The following MYCT1 variants were observed in gnomAD, a reference collection of about 807,000 sequenced individuals.
MYCT1 encodes the protein myc target protein 1.
MYCT1 carries 12 observed loss-of-function variants against 15.0 expected under a neutral mutation model. The ratio of observed to expected loss-of-function variants is 0.80; its 90% CI spans 0.51 to 1.29. MYCT1 has a LOEUF of 1.29. MYCT1 is among the 50% of genes most tolerant of loss of function. MYCT1 has a pLI of 0.00. For missense variants in MYCT1, 287 were observed against 279.1 expected (o/e 1.03, Z -0.20); for synonymous variants, 104 against 102.7 (o/e 1.01, Z -0.07).
the MYCT1 span, among the ~76,000 whole-genome samples, chr6:152,733,173 A>G: frequency 0.54 from 81,696 of 151,826 alleles, 24,372 homozygotes; most frequent in Non-Finnish European, 0.66. Context: ...GCATGATCTC[A>G]GTGCACTGCA....
At chr6:152,698,157 G>A (rs1185783159) in intron 1 of MYCT1, 59 bp downstream of exon 1, 19 of 982,872 alleles carry the variant, frequency 1.9e-5, no homozygotes, top group Admixed American at 3.0e-5. Context: ...AATGCACTGC[G>A]TGATTATTAA....
At chr6:152,740,092 G>C in the MYCT1 span, among the ~76,000 whole-genome samples, 1 of 151,982 alleles carries the variant, frequency 6.6e-6, no homozygotes, top group Non-Finnish European at 1.5e-5. Flanking sequence ...TGTTGCCCAG[G>C]CTGGAGTGCA....
At chr6:152,703,712 T>C (rs947642992) in intron 1 of MYCT1, among the ~76,000 whole-genome samples, 2 of 152,092 alleles carry the variant, frequency 1.3e-5, no homozygotes, top group Non-Finnish European at 2.9e-5. Flanking sequence ...CACACACACT[T>C]GAGTAACCCA....
intron 1 of MYCT1, among the ~76,000 whole-genome samples, chr6:152,714,895 A>T (rs2099723374): frequency 6.6e-6 from 1 of 151,962 alleles, no homozygotes; most frequent in Non-Finnish European, 1.5e-5. Flanking sequence ...TTAGGGGAAG[A>T]TCACCTCAGT....
chr6:152,716,321 T>TGAA (rs1404627350), intron 1 of MYCT1, among the ~76,000 whole-genome samples: 1 of 152,226 alleles, frequency 6.6e-6, no homozygotes, highest in Admixed American at 6.5e-5. Flanking sequence ...CAAAAGTAGT[T>TGAA]CTATTGCCTG....
chr6:152,742,193 G>C, the MYCT1 span, among the ~76,000 whole-genome samples: 1 of 152,104 alleles, frequency 6.6e-6, no homozygotes, highest in African/African-American at 2.4e-5. Context: ...GGGGAAATAC[G>C]GGGTTAAACA....
At chr6:152,728,539 C>T (rs1258361578), downstream of MYCT1, among the ~76,000 whole-genome samples, 2 of 114,628 alleles carry the variant, frequency 1.7e-5, no homozygotes, top group Non-Finnish European at 4.3e-5. Context: ...ATAAAGAATT[C>T]TAAGTAGAAA....
At chr6:152,738,564 T>C in the MYCT1 span, among the ~76,000 whole-genome samples, 1 of 152,100 alleles carries the variant, frequency 6.6e-6, no homozygotes, top group African/African-American at 2.4e-5. Flanking sequence ...ACTCTGCCAG[T>C]TAATTAACTT....
the MYCT1 span, among the ~76,000 whole-genome samples, chr6:152,744,085 G>C: frequency 6.6e-6 from 1 of 152,136 alleles, no homozygotes; most frequent in Non-Finnish European, 1.5e-5. Flanking sequence ...TGAGGATTTG[G>C]TGTCTGGCTT....
In MYCT1 at chr6:152,699,143, A is replaced by G. The variant is rs578257343; in HGVS notation, c.196+1045A>G. ...GGTGGGGTTTTGGGAACTTTCACAT[A>G]AACAGTGAGCAGTAGTGGCCGACTT... On this transcript the variant is annotated intron_variant, in intron 1 of 1. Transcript: ENST00000367245. Among the ~76,000 whole-genome samples, 5 of 152,280 alleles carry G rather than the reference A, an allele frequency of 3.3e-5. No individual in the cohort carries two copies. In the East Asian group the frequency reaches 5.8e-4, roughly 18 times the overall value.
chr6:152,744,480 A>C, the MYCT1 span, among the ~76,000 whole-genome samples: 1 of 152,126 alleles, frequency 6.6e-6, no homozygotes, highest in East Asian at 1.9e-4. Flanking sequence ...TTTAATAAAG[A>C]GGTAGAATTG....
At chr6:152,737,783 T>G in the MYCT1 span, among the ~76,000 whole-genome samples, 31,971 of 152,124 alleles carry the variant, frequency 0.21, 3,851 homozygotes, top group South Asian at 0.36. Flanking sequence ...GTTTCACAAT[T>G]AAGAGGCATC....
At chr6:152,733,053 G>C in the MYCT1 span, among the ~76,000 whole-genome samples, 1 of 151,942 alleles carries the variant, frequency 6.6e-6, no homozygotes, top group Non-Finnish European at 1.5e-5. Flanking sequence ...GTTTGGTTTT[G>C]TTTTTATTTG....
downstream of MYCT1, among the ~76,000 whole-genome samples, chr6:152,728,108 G>A (rs1355983928): frequency 6.6e-6 from 1 of 151,552 alleles, no homozygotes; most frequent in South Asian, 2.1e-4. Flanking sequence ...AGGTTGCAAT[G>A]AGCCGAGATC....
rs981650927 is a variant in MYCT1 at position 152,712,642 on chromosome 6, C to T, written c.197-9100C>T. Among the ~76,000 whole-genome samples the T allele has an allele frequency of 3.7e-4, 6 of 16,090 alleles. 3 individuals are homozygous for T. In the Admixed American group the frequency reaches 8.2e-3, roughly 22 times the overall value. The allele number at this position is 16,090 out of a possible 152,430, so 10.6% of individuals were successfully genotyped here. The stretch of plus-strand genomic sequence containing the variant: ...ACCGGAGCTGTTCCTATTCGGCCAT[C>T]TTGGCTCCTCCCCCTGAAAGAGTAT... On this transcript the variant is annotated intron_variant, in intron 1 of 1. Coordinates refer to ENST00000367245, the MANE Select transcript of MYCT1 (RefSeq NM_025107.3).
Position 152,722,932 on chromosome 6 carries a change from A to T in MYCT1, c.*679A>T. On this transcript the variant is annotated 3_prime_UTR_variant, in exon 2 of 2. Coordinates refer to ENST00000367245, the MANE Select transcript of MYCT1 (RefSeq NM_025107.3). ...TTTTTTTTTAATTTTAGTAGAGATG[A>T]AGTGTCACTATGTTACCAAGGCTGG... 5.8e-6 allele frequency: 1 copy of T among 171,010 alleles called. No individual in the cohort carries two copies. The highest frequency in any genetic ancestry group is 1.3e-5 in the Non-Finnish European group (1 of 78,874). The allele number at this position is 171,010 out of a possible 1,614,324, so 10.6% of individuals were successfully genotyped here.
At chr6:152,725,534 C>T (rs995096489), downstream of MYCT1, among the ~76,000 whole-genome samples, 9 of 152,300 alleles carry the variant, frequency 5.9e-5, no homozygotes, top group East Asian at 1.5e-3. Context: ...GATCCGCCCA[C>T]CTCAGCTTCC....
the MYCT1 span, among the ~76,000 whole-genome samples, chr6:152,733,611 A>C: frequency 9.9e-5 from 15 of 152,206 alleles, no homozygotes; most frequent in Non-Finnish European, 1.8e-4. Flanking sequence ...GTTGCTAGTC[A>C]GGTCAAATAG....
At chr6:152,701,831 C>G (rs7754343) in intron 1 of MYCT1, among the ~76,000 whole-genome samples, 7,534 of 152,222 alleles carry the variant, frequency 0.049, 514 homozygotes, top group African/African-American at 0.16. Context: ...TATTCGGGTA[C>G]TTCTCCATCT....
Sources: allele counts gnomAD v4.1 joint callset (sites outside exome capture counted in the v4.1 genomes callset), GRCh38; gene constraint gnomAD v4.1.1; transcripts MANE v1.5; gene names NCBI Gene and HGNC (gene_info 2026-07-23, HGNC 2026-07-21).